Variants in DNAAF5 observed in about 807,000 individuals in gnomAD.
DNAAF5 encodes the protein HEAT repeat containing 2.
A neutral mutation model predicts 75.8 loss-of-function variants in DNAAF5; 64 were observed. The observed-to-expected ratio is 0.84, with a 90% CI of 0.69 to 1.04. The LOEUF is 1.04. DNAAF5 is among the 50% of genes least tolerant of loss of function. The pLI, the probability that DNAAF5 is intolerant of heterozygous loss-of-function variation, is 0.00. For synonymous variants in DNAAF5, 657 were observed against 557.2 expected (o/e 1.18, Z -2.52); for missense variants, 1,269 against 1,178.5 (o/e 1.08, Z -1.12).
chr7:742,953 C>G (rs1363403416), intron 4 of DNAAF5, among the ~76,000 whole-genome samples: 1 of 152,244 alleles, frequency 6.6e-6, no homozygotes, highest in Non-Finnish European at 1.5e-5. Flanking sequence ...AATCAGATGC[C>G]CTGAGAGATT....
intron 6 of DNAAF5, among the ~76,000 whole-genome samples, chr7:760,856 C>T (rs965755814): frequency 8.5e-5 from 13 of 152,204 alleles, no homozygotes; most frequent in Admixed American, 7.8e-4. Flanking sequence ...AATCAGTAAA[C>T]ATGTTAAGCC....
At chr7:775,781 G>A (rs918815658) in intron 11 of DNAAF5, among the ~76,000 whole-genome samples, 6 of 151,944 alleles carry the variant, frequency 3.9e-5, no homozygotes, top group Non-Finnish European at 8.8e-5. Context: ...TGGACGTTGC[G>A]TTCTGCCTTA....
chr7:727,292 C>T lies in DNAAF5; in HGVS notation c.572C>T (p.Ala191Val). 1.5e-6 allele frequency: 2 copies of T among 1,304,742 alleles called. No homozygotes were observed. Among genetic ancestry groups the T allele is most frequent in the Non-Finnish European group, 1.9e-6 (2 of 1,030,674 alleles). The allele number at this position is 1,304,742 out of a possible 1,614,324, so 80.8% of individuals were successfully genotyped here. ...CGCCGCGAGAGCTGCAGCTGCGCCGCCGCCCTGGCGCAGGCCACGCCCGGT... is the reference window on the plus strand; with the variant it reads ...CGCCGCGAGAGCTGCAGCTGCGCCGTCGCCCTGGCGCAGGCCACGCCCGGT... ...AVRRESCSCA[A>V]ALAQATPDHF... The change falls in exon 1 of 13, where the codon GCC becomes GTC. Residue 191 changes from alanine to valine, a missense_variant. Physicochemically the swap from Ala to Val is moderately conservative, Grantham distance 64 (BLOSUM62 0). Transcript: ENST00000297440.
rs536442645 is a variant in DNAAF5, at chr7:738,356, A to G, written c.781-2463A>G. Among the ~76,000 whole-genome samples, 3 of 152,158 alleles carry G rather than the reference A, an allele frequency of 2.0e-5. No homozygotes were observed. The South Asian group carries it at 6.2e-4, about 32-fold the overall frequency. On this transcript the variant is annotated intron_variant, in intron 2 of 12. Coordinates refer to ENST00000297440, the MANE Select transcript of DNAAF5 (RefSeq NM_017802.4). ...TGGATTTTGCTGGGCTTCCTCAAATAGCTATTTTGAGTTTTCTGTCTGAAA... is the reference window on the plus strand; with the variant it reads ...TGGATTTTGCTGGGCTTCCTCAAATGGCTATTTTGAGTTTTCTGTCTGAAA...
intron 8 of DNAAF5, among the ~76,000 whole-genome samples, chr7:767,706 C>A (rs1279624515): frequency 6.6e-6 from 1 of 151,920 alleles, no homozygotes; most frequent in Non-Finnish European, 1.5e-5. Flanking sequence ...GACACGTGAT[C>A]AGGGCGGAAG....
rs200552045 is a variant in DNAAF5, at chr7:740,958, G to A, written c.905+15G>A. On this transcript the variant is annotated intron_variant, in intron 3 of 12. Transcript: ENST00000297440. ...CCTGAGGTCAGGTACGTGGGCAGGCGGCCGCGGGCCTTGTCTTCCTAAACG... is the reference window on the plus strand; with the variant it reads ...CCTGAGGTCAGGTACGTGGGCAGGCAGCCGCGGGCCTTGTCTTCCTAAACG... 352 of 1,610,854 alleles carry A rather than the reference G, an allele frequency of 2.2e-4. 1 individual carries two copies. Among genetic ancestry groups the A allele is most frequent in the Admixed American group, 2.2e-4 (13 of 60,004 alleles).
intron 4 of DNAAF5, among the ~76,000 whole-genome samples, chr7:753,285 C>A (rs1782365373): frequency 6.6e-6 from 1 of 152,166 alleles, no homozygotes; most frequent in Admixed American, 6.5e-5. Flanking sequence ...CCAGAACAGG[C>A]CACTTCCCAG....
chr7:783,772 C>T (rs185711069), intron 12 of DNAAF5, among the ~76,000 whole-genome samples: 119 of 152,164 alleles, frequency 7.8e-4, no homozygotes, highest in Non-Finnish European at 1.4e-3. Flanking sequence ...TCCCAGCTCT[C>T]CTGTCCTGCA....
At chr7:735,576 G>C (rs1781717948) in intron 2 of DNAAF5, among the ~76,000 whole-genome samples, 1 of 152,158 alleles carries the variant, frequency 6.6e-6, no homozygotes. Flanking sequence ...CGATGTCATT[G>C]CTCACAGTGT....
chr7:762,923 A>G (rs2128080790), intron 7 of DNAAF5, among the ~76,000 whole-genome samples: 1 of 152,284 alleles, frequency 6.6e-6, no homozygotes, highest in East Asian at 1.9e-4. Context: ...CATTATGCCC[A>G]AAAATCTTTT....
chr7:778,255 G>C (rs1454099807), intron 11 of DNAAF5: 1 of 152,214 alleles, frequency 6.6e-6, no homozygotes, highest in African/African-American at 2.4e-5. Flanking sequence ...TTGGGCATCT[G>C]AGCGCATTTG....
chr7:763,741 AGCAG>A lies in DNAAF5; in HGVS notation c.1615-54_1615-51del, dbSNP rs1265282448. 3.2e-6 allele frequency: 5 copies of A among 1,552,956 alleles called. No individual in the cohort carries two copies. The African/African-American group carries it at 6.8e-5, about 21-fold the overall frequency. ...ACGCGTGAGGGGGATAGTGAGTCCCAGCAGGCAGGCAGGCTTGAGCCCTGAGTGT... is the reference window on the plus strand; with the variant it reads ...ACGCGTGAGGGGGATAGTGAGTCCCAGCAGGCAGGCTTGAGCCCTGAGTGT... On this transcript the variant is annotated intron_variant, in intron 7 of 12. Transcript: ENST00000297440.
intron 7 of DNAAF5, among the ~76,000 whole-genome samples, chr7:762,267 C>T (rs1782681918): frequency 6.6e-6 from 1 of 152,116 alleles, no homozygotes; most frequent in Non-Finnish European, 1.5e-5. Context: ...GGGCGGATCA[C>T]CTGAGGTCAG....
intron 1 of DNAAF5, among the ~76,000 whole-genome samples, chr7:728,721 C>G (rs1781453336): frequency 6.6e-6 from 1 of 152,230 alleles, no homozygotes; most frequent in Non-Finnish European, 1.5e-5. Flanking sequence ...GTGCCCCAGC[C>G]CCAAGCGCAG....
Position 761,860 on chromosome 7 carries a change from A to G in DNAAF5, c.1578A>G (p.Ile526Met), listed in dbSNP as rs778205717. Residue 526 changes from isoleucine (I) to methionine (M), a missense_variant, in exon 7 of 13, where the codon ATA becomes ATG. By Grantham distance (10) the Ile-to-Met change is conservative. Coordinates refer to ENST00000297440, the MANE Select transcript of DNAAF5 (RefSeq NM_017802.4). ...SLQLLDVLLT[I>M]VALAGATGLR... ...AGCTCTTGGACGTGCTGCTGACAAT[A>G]GTGGCCCTCGCAGGTGCTACCGGCC... 6.3e-7 allele frequency: 1 copy of G among 1,590,042 alleles called. No homozygotes were observed. The highest frequency in any genetic ancestry group is 8.6e-7 in the Non-Finnish European group (1 of 1,168,686).
chr7:727,398 C>T, intron 1 of DNAAF5, 83 bp downstream of exon 1: 6 of 763,946 alleles, frequency 7.9e-6, no homozygotes, highest in Non-Finnish European at 1.0e-5. Context: ...TCACAACCCC[C>T]GCGGCTCGGC....
chr7:781,427 G>A (rs1178403732), intron 12 of DNAAF5, among the ~76,000 whole-genome samples: 1 of 152,156 alleles, frequency 6.6e-6, no homozygotes, highest in Non-Finnish European at 1.5e-5. Context: ...ATCTGTCCGT[G>A]GACACCCCGG....
In DNAAF5 at chr7:754,612, C is replaced by T. The variant is rs377089514; in HGVS notation, c.1048C>T (p.Arg350Trp). The T allele has an allele frequency of 3.1e-5, 50 of 1,614,064 alleles. No homozygotes were observed. Among genetic ancestry groups the T allele is most frequent in the South Asian group, 2.4e-4 (22 of 91,082 alleles). The change falls in exon 5 of 13, where the codon CGG (arginine) becomes TGG (tryptophan). Residue 350 changes from arginine (R) to tryptophan (W), a missense_variant. Coordinates refer to ENST00000297440, the MANE Select transcript of DNAAF5 (RefSeq NM_017802.4). The surrounding 1 kb of genome is among the most constrained non-coding windows in gnomAD (Gnocchi z 4.8). ...AGAGCGCCGCCCTGTGCTGGGCTGC[C>T]GGGAGCTCGTCTTCAGGAACCTCTC... is the stretch of plus-strand genomic sequence containing the variant. The part of the protein sequence containing the change: ...PHERRPVLGC[R>W]ELVFRNLSKI...
intron 8 of DNAAF5, among the ~76,000 whole-genome samples, chr7:767,163 C>T (rs1335387426): frequency 6.7e-6 from 1 of 149,252 alleles, no homozygotes; most frequent in Non-Finnish European, 1.5e-5. Context: ...GGCGTGAACC[C>T]AGGAGACGGG....
Sources: allele counts gnomAD v4.1 joint callset (sites outside exome capture counted in the v4.1 genomes callset), GRCh38; gene constraint gnomAD v4.1.1; non-coding constraint Gnocchi (gnomAD v3.1); transcripts MANE v1.5; gene names NCBI Gene and HGNC (gene_info 2026-07-23, HGNC 2026-07-21).